Variants in NTNG2 observed in about 807,000 individuals in gnomAD.
The protein encoded by NTNG2 is netrin-G2.
In NTNG2, 15 loss-of-function variants were observed where a neutral mutation model predicts 47.6. The ratio of observed to expected loss-of-function variants is 0.32; its 90% CI spans 0.21 to 0.49. The LOEUF (loss-of-function observed/expected upper bound fraction) is 0.49. NTNG2 is among the 20% of genes least tolerant of loss of function. The pLI is 0.99. For synonymous variants in NTNG2, 307 were observed against 324.6 expected, an observed-to-expected ratio of 0.95 and a Z score of 0.58; for missense variants, 578 against 764.6, an observed-to-expected ratio of 0.76 and a Z score of 2.88.
chr9:132,201,394 C>T (rs370197173), intron 3 of NTNG2, among the ~76,000 whole-genome samples: 8 of 152,350 alleles, frequency 5.3e-5, no homozygotes, highest in African/African-American at 1.2e-4. Context: ...ACTCTTCAGG[C>T]GGCAGCTTGG....
At chr9:132,168,391 C>T (rs1589356304) in intron 2 of NTNG2, among the ~76,000 whole-genome samples, 1 of 152,146 alleles carries the variant, frequency 6.6e-6, no homozygotes, top group Non-Finnish European at 1.5e-5. Context: ...GGGGCTGACC[C>T]GGTGCCCCCA....
Position 132,242,126 on chromosome 9 carries a change from A to G in NTNG2, c.*15A>G, listed in dbSNP as rs1365812069. The G allele has an allele frequency of 1.8e-6, 2 of 1,104,514 alleles. No homozygotes were observed. The highest frequency in any genetic ancestry group is 5.0e-5 in the Admixed American group (1 of 19,956). The allele number at this position is 1,104,514 out of a possible 1,614,324, so 68.4% of individuals were successfully genotyped here. A position where few individuals can be genotyped will look rare whatever the true frequency, so the allele number is the denominator to read the frequency against. ...TGGGCCGCTGAGCCCCGCCCGGAGG[A>G]CGCTCCCCGCACCCGGAGGCCGGGG... On this transcript the variant is annotated 3_prime_UTR_variant, in exon 8 of 8. Coordinates refer to ENST00000393229, the MANE Select transcript of NTNG2 (RefSeq NM_032536.4). The surrounding 1 kb of genome is among the most constrained non-coding windows in gnomAD (Gnocchi z 5.9).
At chr9:132,181,109 G>C (rs1836902815) in intron 2 of NTNG2, among the ~76,000 whole-genome samples, 1 of 152,008 alleles carries the variant, frequency 6.6e-6, no homozygotes, top group Middle Eastern at 3.4e-3. Context: ...TTTGAGACAG[G>C]GTCTCACTCT....
At chr9:132,167,321 G>A (rs913466797) in intron 2 of NTNG2, among the ~76,000 whole-genome samples, 1 of 152,256 alleles carries the variant, frequency 6.6e-6, no homozygotes, top group African/African-American at 2.4e-5. Context: ...CCCTCGGGAA[G>A]CCTATAGTAT....
chr9:132,177,308 C>G (rs559240106), intron 2 of NTNG2, among the ~76,000 whole-genome samples: 2 of 152,290 alleles, frequency 1.3e-5, no homozygotes, highest in African/African-American at 4.8e-5. Flanking sequence ...TAATGAACTC[C>G]AATGTGTGTA....
intron 3 of NTNG2, among the ~76,000 whole-genome samples, chr9:132,210,683 A>G (rs1670051596): frequency 6.6e-6 from 1 of 152,142 alleles, no homozygotes; most frequent in African/African-American, 2.4e-5. Flanking sequence ...GCGATTGGGC[A>G]GGACAGATGG....
At chr9:132,195,838 C>T (rs1838271184) in intron 2 of NTNG2, among the ~76,000 whole-genome samples, 1 of 152,080 alleles carries the variant, frequency 6.6e-6, no homozygotes, top group Admixed American at 6.5e-5. Flanking sequence ...TGCTGTGTTG[C>T]CTAGGCTGAT....
intron 3 of NTNG2, among the ~76,000 whole-genome samples, chr9:132,217,142 T>C (rs1293888448): frequency 1.3e-5 from 2 of 152,244 alleles, no homozygotes; most frequent in East Asian, 3.8e-4. Flanking sequence ...CATTCTCACC[T>C]GTAAAGTGGG....
intron 2 of NTNG2, among the ~76,000 whole-genome samples, chr9:132,195,308 G>A (rs776762036): frequency 1.3e-4 from 19 of 151,164 alleles, no homozygotes; most frequent in South Asian, 6.3e-4. Flanking sequence ...TTTTGTTTTC[G>A]TTTTTGTTTT....
chr9:132,192,069 T>G (rs1350559555), intron 2 of NTNG2, among the ~76,000 whole-genome samples: 2 of 152,246 alleles, frequency 1.3e-5, no homozygotes, highest in Admixed American at 6.5e-5. Context: ...CACTTTGTTC[T>G]GACTGCTGTT....
chr9:132,188,802 G>A (rs1837607459), intron 2 of NTNG2, among the ~76,000 whole-genome samples: 1 of 152,168 alleles, frequency 6.6e-6, no homozygotes, highest in Non-Finnish European at 1.5e-5. Context: ...ACCTCATTGA[G>A]CGTTCATTCA....
In NTNG2 at chr9:132,231,486, G is replaced by T. The variant is rs567212532; in HGVS notation, c.1054+891G>T. 2 of 361,206 alleles carry T rather than the reference G, an allele frequency of 5.5e-6. No individual in the cohort carries two copies. The highest frequency in any genetic ancestry group is 2.2e-5 in the African/African-American group (1 of 46,500). The allele number at this position is 361,206 out of a possible 1,614,324, so 22.4% of individuals were successfully genotyped here. ...CAAGTTGTCCCTCCCGGACCCAGGG[G>T]GCCCCTGGCTGGGAAGCCAGTGAGC... On this transcript the variant is annotated intron_variant, in intron 5 of 7. Coordinates refer to ENST00000393229, the MANE Select transcript of NTNG2 (RefSeq NM_032536.4). This position sits in a 1 kb window ranked among gnomAD's most constrained non-coding sequence, Gnocchi z 4.1.
intron 3 of NTNG2, among the ~76,000 whole-genome samples, chr9:132,216,724 C>T (rs1373434707): frequency 6.6e-6 from 1 of 152,114 alleles, no homozygotes; most frequent in African/African-American, 2.4e-5. Context: ...GGGTCAAATT[C>T]AGAGAGCGAT....
intron 3 of NTNG2, among the ~76,000 whole-genome samples, chr9:132,214,240 C>T (rs1309171530): frequency 6.6e-6 from 1 of 152,262 alleles, no homozygotes; most frequent in African/African-American, 2.4e-5. Context: ...ACCCCCCGCT[C>T]CTCTCTCCCT....
intron 3 of NTNG2, among the ~76,000 whole-genome samples, chr9:132,223,560 C>G (rs190786146): frequency 6.6e-6 from 1 of 152,246 alleles, no homozygotes; most frequent in Admixed American, 6.5e-5. Flanking sequence ...TACACATCCT[C>G]AAAACAATCT....
chr9:132,196,697 C>A (rs986854668), intron 2 of NTNG2, among the ~76,000 whole-genome samples: 1 of 152,208 alleles, frequency 6.6e-6, no homozygotes, highest in Non-Finnish European at 1.5e-5. Context: ...GGGTTTTCCA[C>A]ACCAACAACC....
intron 2 of NTNG2, among the ~76,000 whole-genome samples, chr9:132,177,066 T>C (rs140872009): frequency 3.9e-5 from 6 of 152,360 alleles, no homozygotes; most frequent in African/African-American, 1.4e-4. Flanking sequence ...CTTGGCTCAC[T>C]GCAACCTTCA....
intron 5 of NTNG2, among the ~76,000 whole-genome samples, chr9:132,234,994 C>T (rs981044788): frequency 6.6e-6 from 1 of 152,228 alleles, no homozygotes; most frequent in Non-Finnish European, 1.5e-5. Flanking sequence ...GGGCACAGGG[C>T]AGTTCTTTGC....
chr9:132,241,955 C>T lies in NTNG2; in HGVS notation c.1437C>T (p.Arg479=). The change falls in exon 8 of 8, where the codon CGC becomes CGT. Residue 479 remains arginine (R), a synonymous_variant. Coordinates refer to ENST00000393229, the MANE Select transcript of NTNG2 (RefSeq NM_032536.4). The part of the protein sequence containing the change: ...CLQNQRCACP[R]GYTGVRCEQP... ...AGAACCAGCGCTGCGCCTGCCCGCG[C>T]GGCTACACCGGCGTGCGCTGCGAGC... 2 of 1,549,066 alleles carry T rather than the reference C, an allele frequency of 1.3e-6. No individual in the cohort carries two copies. The highest frequency in any genetic ancestry group is 1.7e-6 in the Non-Finnish European group (2 of 1,156,394).
Sources: gnomAD v4.1 joint callset for allele counts (sites outside exome capture counted in the v4.1 genomes callset) on GRCh38, gnomAD v4.1.1 for gene constraint, Gnocchi (gnomAD v3.1) non-coding constraint, MANE v1.5 for transcripts, NCBI Gene and HGNC (gene_info 2026-07-23, HGNC 2026-07-21) for gene names.